Variants in BRWD1 observed in about 807,000 individuals in gnomAD.
BRWD1 encodes bromodomain and WD repeat domain containing 1.
A neutral mutation model predicts 251.2 loss-of-function variants in BRWD1; 82 were observed. The ratio of observed to expected loss-of-function variants is 0.33; its 90% CI spans 0.27 to 0.39. The LOEUF (loss-of-function observed/expected upper bound fraction) is 0.39. BRWD1 is among the 10% of genes least tolerant of loss of function. BRWD1 has a pLI of 1.00. For missense variants in BRWD1, 2,233 were observed against 2,711.6 expected (o/e 0.82, Z 3.92); for synonymous variants, 918 against 902.8 (o/e 1.02, Z -0.30).
intron 4 of BRWD1, among the ~76,000 whole-genome samples, chr21:39,311,261 A>G (rs1235653452): frequency 6.6e-6 from 1 of 152,068 alleles, no homozygotes; most frequent in East Asian, 1.9e-4. Flanking sequence ...TCAAACTCCC[A>G]GAGTCAAGTG....
rs535843466 is a variant in BRWD1 at position 39,277,081 on chromosome 21, A to G, written c.1104+170T>C. On this transcript the variant is annotated intron_variant, in intron 11 of 40. Transcript: ENST00000342449. ...AATGACTTATCTCAGAAATGCAACT[A>G]TGATTTAATATTTTAAAACTTAATA... 3.3e-5 allele frequency among the ~76,000 whole-genome samples: 5 copies of G among 152,354 alleles called. No individual in the cohort carries two copies. In the East Asian group the frequency reaches 7.7e-4, roughly 23 times the overall value.
intron 4 of BRWD1, among the ~76,000 whole-genome samples, chr21:39,299,178 G>C (rs372817529): frequency 1.3e-5 from 2 of 151,944 alleles, no homozygotes; most frequent in African/African-American, 2.4e-5. Flanking sequence ...AGCTGGGATC[G>C]TGCCATTGCA....
chr21:39,296,977 T>C, intron 5 of BRWD1: 2 of 985,186 alleles, frequency 2.0e-6, no homozygotes, highest in South Asian at 4.7e-5. Flanking sequence ...TCTCTATCTT[T>C]AGGAAGTACC....
intron 34 of BRWD1, among the ~76,000 whole-genome samples, chr21:39,211,897 A>G (rs1356761683): frequency 6.6e-6 from 1 of 152,200 alleles, no homozygotes; most frequent in Non-Finnish European, 1.5e-5. Flanking sequence ...AAATGTCTTA[A>G]GCATTTTCAT....
chr21:39,249,443 T>C (rs2034316314), intron 20 of BRWD1, among the ~76,000 whole-genome samples: 1 of 150,928 alleles, frequency 6.6e-6, no homozygotes, highest in South Asian at 2.1e-4. Flanking sequence ...TGCTTTTCAG[T>C]TCTGAATGTT....
intron 5 of BRWD1, chr21:39,298,076 C>G: frequency 1.0e-6 from 1 of 993,008 alleles, no homozygotes. Flanking sequence ...TGAAATACCT[C>G]TAGCATTTAA....
chr21:39,250,929 G>A (rs1213854025), intron 19 of BRWD1, 40 bp from the exon 20 acceptor site: 1 of 1,189,550 alleles, frequency 8.4e-7, no homozygotes, highest in South Asian at 1.4e-5. Flanking sequence ...CTACTGAACT[G>A]ATGGATAACT....
intron 21 of BRWD1, among the ~76,000 whole-genome samples, chr21:39,243,502 C>T (rs937279504): frequency 2.6e-5 from 4 of 152,180 alleles, no homozygotes; most frequent in Admixed American, 2.6e-4. Context: ...TAGAGTTACA[C>T]TGGCGCAACC....
chr21:39,286,270 G>A (rs1300418412), intron 8 of BRWD1, among the ~76,000 whole-genome samples: 4 of 151,894 alleles, frequency 2.6e-5, no homozygotes, highest in Non-Finnish European at 5.9e-5. Flanking sequence ...TGCCCGCCTC[G>A]GCCTCCCAAA....
intron 21 of BRWD1, among the ~76,000 whole-genome samples, chr21:39,242,077 T>A (rs1340880807): frequency 6.6e-6 from 1 of 152,200 alleles, no homozygotes; most frequent in East Asian, 1.9e-4. Flanking sequence ...GTCACACATA[T>A]CTTACTTTAA....
chr21:39,259,457 A>AT (rs1422395668), intron 17 of BRWD1, among the ~76,000 whole-genome samples: 1 of 140,448 alleles, frequency 7.1e-6, no homozygotes, highest in Non-Finnish European at 1.6e-5. Flanking sequence ...TGCCCGGCTA[A>AT]TTTTTTGTAT....
rs747888428 is a variant in BRWD1, at chr21:39,295,788, A to G, written c.564T>C (p.Ala188=). The change falls in exon 7 of 41, where the codon GCT becomes GCC. Residue 188 remains alanine (A), a synonymous_variant. Coordinates refer to ENST00000342449, the MANE Select transcript of BRWD1 (RefSeq NM_033656.4). ...TCCTATCAAATGCTACACAGTAAAC[A>G]GCAGATAGATGTCCGAGAATCCTTC... ...MHRRILGHLS[A]VYCVAFDRTG... 2.5e-6 allele frequency: 4 copies of G among 1,611,546 alleles called. No individual in the cohort carries two copies. The highest frequency in any genetic ancestry group is 1.7e-5 in the Admixed American group (1 of 59,898).
chr21:39,262,367 C>G (rs1421215408), intron 17 of BRWD1, among the ~76,000 whole-genome samples: 1 of 152,160 alleles, frequency 6.6e-6, no homozygotes, highest in East Asian at 1.9e-4. Flanking sequence ...ATACATGCAA[C>G]AACACTAATG....
In BRWD1 at chr21:39,255,624, AATAG is replaced by A; in HGVS notation, c.2255+17_2255+20del. ...TATTTTCACAGATAGAAACATTATAAATAGATATCCTAAAACAAACCTAAATATG... is the reference window on the plus strand; with the variant it reads ...TATTTTCACAGATAGAAACATTATAAATATCCTAAAACAAACCTAAATATG... On this transcript the variant is annotated intron_variant, in intron 19 of 40. Coordinates refer to ENST00000342449, the MANE Select transcript of BRWD1 (RefSeq NM_033656.4). 1.3e-6 allele frequency: 2 copies of A among 1,585,936 alleles called. No individual in the cohort carries two copies. Among genetic ancestry groups the A allele is most frequent in the Non-Finnish European group, 8.7e-7 (1 of 1,154,790 alleles).
intron 25 of BRWD1, among the ~76,000 whole-genome samples, chr21:39,230,123 CTTGATA>C (rs941295291): frequency 3.3e-5 from 5 of 152,248 alleles, no homozygotes; most frequent in Admixed American, 1.3e-4. Context: ...TCTTCAAAAT[CTTGATA>C]TTAAGTTTCT....
At chr21:39,315,477 T>TA (rs1440538118), upstream of BRWD1, among the ~76,000 whole-genome samples, 1 of 151,670 alleles carries the variant, frequency 6.6e-6, no homozygotes. Context: ...CTACTAAAAA[T>TA]AAAAAAATTA....
Position 39,298,547 on chromosome 21 carries a change from A to G in BRWD1, c.234T>C (p.Leu78=). 1 of 1,605,056 alleles carries G rather than the reference A, an allele frequency of 6.2e-7. No individual in the cohort carries two copies. Among genetic ancestry groups the G allele is most frequent in the Non-Finnish European group, 8.5e-7 (1 of 1,176,950 alleles). The change falls in exon 5 of 41, where the codon CTT becomes CTC. Residue 78 remains leucine (L), a synonymous_variant. Coordinates refer to ENST00000342449, the MANE Select transcript of BRWD1 (RefSeq NM_033656.4). ...LSNKHVAPDH[L]LQICQRIGPM... ...GACCGATGCGCTGGCAGATTTGCAAAAGATGATCAGGAGCCACATGCTTAT... is the reference window on the plus strand; with the variant it reads ...GACCGATGCGCTGGCAGATTTGCAAGAGATGATCAGGAGCCACATGCTTAT...
intron 29 of BRWD1, among the ~76,000 whole-genome samples, chr21:39,221,616 T>C (rs2033180573): frequency 6.6e-6 from 1 of 152,110 alleles, no homozygotes; most frequent in Admixed American, 6.5e-5. Flanking sequence ...AACTAATGGA[T>C]AACAGTTAAA....
Position 39,274,407 on chromosome 21 carries a change from C to T in BRWD1, c.1211G>A (p.Ser404Asn), listed in dbSNP as rs1215770914. ...TCTGGTAGCCATATCCAATAAAATG[C>T]TCCTCCATTCTAACTGCTCAAATCT... Reference protein sequence around the residue: ...IWRFEQLEWRSILLDMATRIS... With the variant: ...IWRFEQLEWRNILLDMATRIS... The change falls in exon 13 of 41, where the codon AGC becomes AAC. Residue 404 changes from serine (S) to asparagine (N), a missense_variant. Physicochemically the swap from Ser to Asn is conservative, Grantham distance 46 (BLOSUM62 1). Transcript: ENST00000342449. 3.7e-6 allele frequency: 6 copies of T among 1,613,848 alleles called. No homozygotes were observed. The highest frequency in any genetic ancestry group is 4.2e-6 in the Non-Finnish European group (5 of 1,179,922).
Sources: gnomAD v4.1 joint callset for allele counts (sites outside exome capture counted in the v4.1 genomes callset) on GRCh38, gnomAD v4.1.1 for gene constraint, MANE v1.5 for transcripts, NCBI Gene and HGNC (gene_info 2026-07-23, HGNC 2026-07-21) for gene names.